NDUFAF2: variants seen among roughly 807,000 people sequenced by gnomAD.
NDUFAF2 encodes NADH dehydrogenase [ubiquinone] 1 alpha subcomplex assembly factor 2.
In NDUFAF2, 13 loss-of-function variants were observed where a neutral mutation model predicts 22.8. The ratio of observed to expected loss-of-function variants is 0.57; its 90% CI spans 0.37 to 0.91. NDUFAF2 has a LOEUF of 0.91. NDUFAF2 is among the 40% of genes least tolerant of loss of function. NDUFAF2 has a pLI of 0.01. For synonymous variants in NDUFAF2, 53 were observed against 64.2 expected, an observed-to-expected ratio of 0.83 and a Z score of 0.84; for missense variants, 162 against 195.2, an observed-to-expected ratio of 0.83 and a Z score of 1.01.
intron 1 of NDUFAF2, among the ~76,000 whole-genome samples, chr5:61,038,088 AAGAGAG>A (rs138511749): frequency 3.7e-4 from 29 of 77,822 alleles, no homozygotes; most frequent in African/African-American, 5.3e-4. Flanking sequence ...GAGGCGGGGG[AAGAGAG>A]AGAGAGAGAG....
chr5:61,112,094 C>A (rs1752849866), intron 3 of NDUFAF2, among the ~76,000 whole-genome samples: 1 of 151,888 alleles, frequency 6.6e-6, no homozygotes, highest in Non-Finnish European at 1.5e-5. Flanking sequence ...CTCTTTAGCT[C>A]TAATAATATT....
intron 3 of NDUFAF2, among the ~76,000 whole-genome samples, chr5:61,136,721 A>T (rs1445509396): frequency 6.6e-6 from 1 of 152,204 alleles, no homozygotes; most frequent in Non-Finnish European, 1.5e-5. Context: ...GTGCCTTAAT[A>T]AGCTGGTTAA....
chr5:61,108,554 G>A (rs1371055969), intron 3 of NDUFAF2, among the ~76,000 whole-genome samples: 1 of 151,302 alleles, frequency 6.6e-6, no homozygotes, highest in Non-Finnish European at 1.5e-5. Flanking sequence ...CAGTGTCCTA[G>A]AGAGTTTCCC....
chr5:61,049,142 G>A (rs1751991942), intron 1 of NDUFAF2, among the ~76,000 whole-genome samples: 1 of 151,894 alleles, frequency 6.6e-6, no homozygotes, highest in African/African-American at 2.4e-5. Context: ...GATAACAGCT[G>A]GTAATTATAT....
intron 1 of NDUFAF2, among the ~76,000 whole-genome samples, chr5:61,010,498 C>T (rs184487725): frequency 7.3e-4 from 111 of 151,984 alleles, no homozygotes; most frequent in South Asian, 2.3e-3. Flanking sequence ...TTTAGCTAAC[C>T]TCTCATCCTT....
At chr5:60,972,738 C>G (rs1175460394) in intron 1 of NDUFAF2, among the ~76,000 whole-genome samples, 1 of 141,038 alleles carries the variant, frequency 7.1e-6, no homozygotes, top group African/African-American at 2.6e-5. Context: ...AGTAGAAAAA[C>G]TAAGCACATT....
chr5:61,120,071 C>G (rs1320139672), intron 3 of NDUFAF2, among the ~76,000 whole-genome samples: 3 of 152,038 alleles, frequency 2.0e-5, no homozygotes, highest in Non-Finnish European at 4.4e-5. Flanking sequence ...CTTTTGTATT[C>G]TGCTGTTTTT....
At chr5:60,962,808 AG>A (rs1750708272) in intron 1 of NDUFAF2, among the ~76,000 whole-genome samples, 2 of 151,456 alleles carry the variant, frequency 1.3e-5, no homozygotes, top group Non-Finnish European at 2.9e-5. Context: ...ACTCCAGCCA[AG>A]TGACAGAGTG....
chr5:61,073,799 C>T (rs1244619202), intron 2 of NDUFAF2, among the ~76,000 whole-genome samples: 2 of 152,162 alleles, frequency 1.3e-5, no homozygotes, highest in Non-Finnish European at 2.9e-5. Flanking sequence ...CAGTGTGGCT[C>T]TAACAGTAAC....
intron 1 of NDUFAF2, among the ~76,000 whole-genome samples, chr5:60,964,190 A>G (rs1022353136): frequency 6.6e-6 from 1 of 152,302 alleles, no homozygotes; most frequent in Non-Finnish European, 1.5e-5. Flanking sequence ...CAAGAATAAT[A>G]CAAAGAATTC....
At chr5:61,006,861 G>C (rs1296292866) in intron 1 of NDUFAF2, among the ~76,000 whole-genome samples, 1 of 152,032 alleles carries the variant, frequency 6.6e-6, no homozygotes, top group African/African-American at 2.4e-5. Context: ...TTTGGTCAAG[G>C]CGTTTGAATA....
chr5:61,004,021 T>TC (rs33998250), intron 1 of NDUFAF2, among the ~76,000 whole-genome samples: 22 of 151,938 alleles, frequency 1.4e-4, no homozygotes, highest in South Asian at 1.3e-3. Context: ...TTCTTTTTTT[T>TC]CTTGAAAACA....
chr5:61,020,920 T>C (rs75820868), intron 1 of NDUFAF2, among the ~76,000 whole-genome samples: 1 of 151,668 alleles, frequency 6.6e-6, no homozygotes, highest in Non-Finnish European at 1.5e-5. Flanking sequence ...GGTCTCGAAC[T>C]CCTGACCTCG....
At chr5:61,100,713 C>A (rs1325815839) in intron 3 of NDUFAF2, among the ~76,000 whole-genome samples, 1 of 152,072 alleles carries the variant, frequency 6.6e-6, no homozygotes, top group East Asian at 1.9e-4. Flanking sequence ...TAGTGAGTTC[C>A]TTTTTTTCCT....
chr5:61,126,642 C>T (rs1161499875), intron 3 of NDUFAF2, among the ~76,000 whole-genome samples: 2 of 151,832 alleles, frequency 1.3e-5, no homozygotes, highest in African/African-American at 4.8e-5. Flanking sequence ...ATTTTCACAC[C>T]AGAATAATAC....
intron 1 of NDUFAF2, among the ~76,000 whole-genome samples, chr5:60,954,868 T>C (rs1750595498): frequency 6.6e-6 from 1 of 152,172 alleles, no homozygotes; most frequent in African/African-American, 2.4e-5. Context: ...ACTTGTTGGC[T>C]ATTTTGTATG....
intron 1 of NDUFAF2, among the ~76,000 whole-genome samples, chr5:60,992,550 C>T (rs576534537): frequency 1.2e-4 from 18 of 152,110 alleles, no homozygotes; most frequent in South Asian, 1.0e-3. Context: ...ATTCATTTAT[C>T]GTTTTGTCTT....
chr5:61,142,590 G>A (rs1345931938), intron 3 of NDUFAF2, among the ~76,000 whole-genome samples: 1 of 152,208 alleles, frequency 6.6e-6, no homozygotes, highest in African/African-American at 2.4e-5. Flanking sequence ...CAATAGATTT[G>A]AATTTGAATA....
At chr5:61,103,165 A>G (rs295564) in intron 3 of NDUFAF2, among the ~76,000 whole-genome samples, 95,062 of 151,894 alleles carry the variant, frequency 0.63, 30,566 homozygotes, top group East Asian at 0.94. Flanking sequence ...TAGGTCTAAC[A>G]CCTTGGCATA....
Sources: gnomAD v4.1 joint callset for allele counts (sites outside exome capture counted in the v4.1 genomes callset) on GRCh38, gnomAD v4.1.1 for gene constraint, MANE v1.5 for transcripts, NCBI Gene and HGNC (gene_info 2026-07-23, HGNC 2026-07-21) for gene names.